PRKG1: variants seen among roughly 807,000 people sequenced by gnomAD.
PRKG1 encodes the protein protein kinase cGMP-dependent 1.
In PRKG1, 35 loss-of-function variants were observed where a neutral mutation model predicts 88.1. The observed-to-expected ratio is 0.40, with a 90% CI of 0.30 to 0.53. The LOEUF (loss-of-function observed/expected upper bound fraction) is 0.53. Ranked by LOEUF, PRKG1 falls within the 20% of genes least tolerant of loss-of-function variation. The pLI is 0.59. For synonymous variants in PRKG1, 303 were observed against 292.5 expected, an observed-to-expected ratio of 1.04 and a Z score of -0.37; for missense variants, 540 against 839.8, an observed-to-expected ratio of 0.64 and a Z score of 4.41.
intron 2 of PRKG1, among the ~76,000 whole-genome samples, chr10:51,198,035 A>C (rs1298003838): frequency 6.6e-6 from 1 of 152,002 alleles, no homozygotes; most frequent in Non-Finnish European, 1.5e-5. Context: ...CCTTACCTTC[A>C]TTTCAAATTT....
chr10:52,287,013 A>C (rs563832472), intron 14 of PRKG1, among the ~76,000 whole-genome samples: 46 of 152,114 alleles, frequency 3.0e-4, no homozygotes, highest in Non-Finnish European at 5.3e-4. Context: ...ATATTGAATG[A>C]ATATTAGACT....
intron 4 of PRKG1, among the ~76,000 whole-genome samples, chr10:51,865,965 T>A (rs1306062992): frequency 2.6e-5 from 4 of 152,014 alleles, no homozygotes; most frequent in African/African-American, 9.7e-5. Context: ...AATATTGAAA[T>A]GTGTATATTA....
chr10:51,002,118 C>A (rs2132715831), intron 1 of PRKG1, among the ~76,000 whole-genome samples: 1 of 151,658 alleles, frequency 6.6e-6, no homozygotes, highest in African/African-American at 2.4e-5. Flanking sequence ...TATGAGGAAA[C>A]CTCTGGACTT....
At chr10:51,221,330 G>A (rs1351158070) in intron 2 of PRKG1, among the ~76,000 whole-genome samples, 3 of 151,496 alleles carry the variant, frequency 2.0e-5, no homozygotes, top group Non-Finnish European at 4.4e-5. Context: ...GTGACTAAAG[G>A]GAGTTTAAAT....
chr10:52,170,730 ACTGT>A (rs1177377081), intron 9 of PRKG1, among the ~76,000 whole-genome samples: 1 of 152,198 alleles, frequency 6.6e-6, no homozygotes, highest in Non-Finnish European at 1.5e-5. Flanking sequence ...AACATTTAAG[ACTGT>A]CTGATATTTT....
intron 7 of PRKG1, among the ~76,000 whole-genome samples, chr10:52,118,414 G>A (rs1264948880): frequency 6.6e-6 from 1 of 151,758 alleles, no homozygotes; most frequent in Non-Finnish European, 1.5e-5. Flanking sequence ...TATCTACATA[G>A]AGAAATATTT....
intron 5 of PRKG1, among the ~76,000 whole-genome samples, chr10:52,019,059 C>T (rs1845115988): frequency 6.6e-6 from 1 of 152,162 alleles, no homozygotes; most frequent in African/African-American, 2.4e-5. Context: ...CATCCTGCTT[C>T]TCATGGTGAA....
intron 3 of PRKG1, among the ~76,000 whole-genome samples, chr10:51,722,997 G>A (rs111503716): frequency 2.2e-4 from 34 of 152,064 alleles, no homozygotes; most frequent in Non-Finnish European, 4.7e-4. Flanking sequence ...TTGTTTAGAA[G>A]TTTTCTTTCA....
intron 3 of PRKG1, among the ~76,000 whole-genome samples, chr10:51,653,073 C>A (rs1166130744): frequency 6.6e-6 from 1 of 152,150 alleles, no homozygotes; most frequent in African/African-American, 2.4e-5. Context: ...AATAGTATTT[C>A]ATAGTGTGTA....
At chr10:51,175,190 A>AG (rs60267776) in intron 2 of PRKG1, among the ~76,000 whole-genome samples, 152,071 of 152,072 alleles carry the variant, frequency 1, 76,035 homozygotes, top group Non-Finnish European at 1. Context: ...TGTGTTCCTT[A>AG]GCCAGAGTCA....
At chr10:51,813,297 T>G (rs139303259) in intron 4 of PRKG1, among the ~76,000 whole-genome samples, 116 of 151,894 alleles carry the variant, frequency 7.6e-4, no homozygotes, top group Middle Eastern at 3.4e-3. Context: ...TGCATTCCAA[T>G]ATCAAATGGC....
intron 3 of PRKG1, among the ~76,000 whole-genome samples, chr10:51,514,463 C>CA (rs1168193010): frequency 6.6e-6 from 1 of 152,062 alleles, no homozygotes; most frequent in Non-Finnish European, 1.5e-5. Context: ...CCAGGGTCAC[C>CA]ACCTAAGTAA....
At chr10:52,017,130 A>T (rs1845061163) in intron 5 of PRKG1, among the ~76,000 whole-genome samples, 2 of 152,334 alleles carry the variant, frequency 1.3e-5, no homozygotes, top group South Asian at 4.1e-4. Context: ...TTTAAGAAAA[A>T]GAAAAACAAA....
At chr10:51,656,014 A>G (rs1374723245) in intron 3 of PRKG1, among the ~76,000 whole-genome samples, 1 of 152,176 alleles carries the variant, frequency 6.6e-6, no homozygotes, top group Non-Finnish European at 1.5e-5. Flanking sequence ...TTCAATTATT[A>G]GGGATGGAGT....
At chr10:51,040,312 T>TC (rs1843404677) in intron 1 of PRKG1, among the ~76,000 whole-genome samples, 3 of 13,130 alleles carry the variant, frequency 2.3e-4, no homozygotes, top group Non-Finnish European at 8.7e-4. Flanking sequence ...TCTTTTTCTC[T>TC]TTTTTTTTTT....
chr10:51,014,317 T>C lies in PRKG1; in HGVS notation c.266+22673T>C, dbSNP rs78892795. Among the ~76,000 whole-genome samples the C allele has an allele frequency of 5.1e-3, 599 of 117,446 alleles. 20 individuals carry two copies. The East Asian group carries it at 0.073, about 14-fold the overall frequency. The allele number at this position is 117,446 out of a possible 152,430, so 77.0% of individuals were successfully genotyped here. A position where few individuals can be genotyped will look rare whatever the true frequency, so the allele number is the denominator to read the frequency against. On this transcript the variant is annotated intron_variant, in intron 1 of 17. Coordinates refer to the PRKG1 transcript ENST00000401604. ...GAGCTACTCCTGCATGCAGGCATTC[T>C]CTTTTTTTTTTTTTTTTGAGGTGCT...
intron 9 of PRKG1, among the ~76,000 whole-genome samples, chr10:52,226,546 C>T (rs578167594): frequency 1.6e-4 from 24 of 151,250 alleles, no homozygotes; most frequent in African/African-American, 5.6e-4. Context: ...CAATTAAAAT[C>T]GTATTTCCAT....
intron 4 of PRKG1, among the ~76,000 whole-genome samples, chr10:51,881,747 T>A (rs1367784505): frequency 2.6e-5 from 4 of 152,226 alleles, no homozygotes; most frequent in African/African-American, 9.6e-5. Flanking sequence ...TAGATAATTT[T>A]AAACATTTTG....
At chr10:52,036,153 T>C (rs1845604439) in intron 5 of PRKG1, among the ~76,000 whole-genome samples, 1 of 152,008 alleles carries the variant, frequency 6.6e-6, no homozygotes, top group South Asian at 2.1e-4. Flanking sequence ...ACAGCCTAGG[T>C]AACTTGCTGA....
Sources: gnomAD v4.1 joint callset for allele counts (sites outside exome capture counted in the v4.1 genomes callset) on GRCh38, gnomAD v4.1.1 for gene constraint, MANE v1.5 for transcripts, NCBI Gene and HGNC (gene_info 2026-07-23, HGNC 2026-07-21) for gene names.